The following SMARCA4 variants were observed in gnomAD, a reference collection of about 807,000 sequenced individuals.
The protein encoded by SMARCA4 is SWI/SNF-related matrix-associated actin-dependent regulator of chromatin subfamily A member 4.
Under a neutral mutation model 193.9 loss-of-function variants are expected in SMARCA4, and 31 were observed. That is an observed-to-expected ratio of 0.16 (90% CI 0.12 to 0.22). The LOEUF (loss-of-function observed/expected upper bound fraction) is 0.22, where lower values mean the gene tolerates loss of function less well. Ranked by LOEUF, SMARCA4 falls within the 10% of genes least tolerant of loss-of-function variation. SMARCA4 has a pLI of 1.00. For missense variants in SMARCA4, 1,148 were observed against 2,296.0 expected (o/e 0.50, Z 10.22); for synonymous variants, 942 against 933.1 (o/e 1.01, Z -0.17).
At chr19:11,014,345 G>A (rs1218794015) in intron 16 of SMARCA4, among the ~76,000 whole-genome samples, 1 of 152,212 alleles carries the variant, frequency 6.6e-6, no homozygotes, top group Non-Finnish European at 1.5e-5. Flanking sequence ...GGAAAGGTGA[G>A]GACCCCAGAA....
rs970142560 is a variant in SMARCA4, at chr19:11,023,413, C to T, written c.2860-105C>T. ...CCACGTGCCAAGGGCAAGATCACCC[C>T]AGGGGACCCCGTCCACCCTGTCCCC... is the stretch of plus-strand genomic sequence containing the variant. On this transcript the variant is annotated intron_variant, in intron 19 of 34. Transcript: ENST00000344626. The T allele has an allele frequency of 4.2e-5, 32 of 766,008 alleles. 1 individual carries two copies. The highest frequency in any genetic ancestry group is 4.6e-5 in the Non-Finnish European group (20 of 431,226). 47.5% of individuals were successfully genotyped at this position (766,008 alleles called of 1,614,324 possible).
At chr19:11,003,185 G>A (rs752940269) in intron 12 of SMARCA4, 26 bp downstream of exon 12, 1 of 1,613,964 alleles carries the variant, frequency 6.2e-7, no homozygotes, top group Admixed American at 1.7e-5. Context: ...CATTCCAGAT[G>A]CAGTGGGGAT....
rs2145767423 is a variant in SMARCA4, at chr19:10,986,124, G to A, written c.356-65G>A. On this transcript the variant is annotated intron_variant, in intron 3 of 34. Transcript: ENST00000344626. The surrounding 1 kb of genome is among the most constrained non-coding windows in gnomAD (Gnocchi z 6.7). ...CTCAGAGTAGGAGCTGGTGTAGGGG[G>A]AAGAGGCTGTAAAAATCACAGACAT... 1.5e-6 allele frequency: 2 copies of A among 1,341,830 alleles called. No homozygotes were observed. The highest frequency in any genetic ancestry group is 2.4e-5 in the South Asian group (2 of 84,998). 83.1% of individuals were successfully genotyped at this position (1,341,830 alleles called of 1,614,324 possible). A position where few individuals can be genotyped will look rare whatever the true frequency, so the allele number is the denominator to read the frequency against.
intron 22 of SMARCA4, 53 bp from the exon 23 acceptor site, chr19:11,026,247 G>T: frequency 1.4e-6 from 2 of 1,455,760 alleles, no homozygotes; most frequent in Admixed American, 1.7e-5. Flanking sequence ...ACCGCAGCGG[G>T]GCCCGGTGGC....
In SMARCA4 at chr19:11,002,787, G is replaced by A. The variant is rs529495337; in HGVS notation, c.1813-242G>A. Among the ~76,000 whole-genome samples, 555 of 137,542 alleles carry A rather than the reference G, an allele frequency of 4.0e-3. 3 individuals carry two copies. Among genetic ancestry groups the A allele is most frequent in the Non-Finnish European group, 7.0e-3 (455 of 65,372 alleles). The allele number at this position is 137,542 out of a possible 152,430, so 90.2% of individuals were successfully genotyped here. Reference sequence around the variant, plus strand: ...TGCACTCTAGCCTGGGTGACAGAGCGAGACTCCGTCTCAAAAAAAAAAAAA... The same window carrying A: ...TGCACTCTAGCCTGGGTGACAGAGCAAGACTCCGTCTCAAAAAAAAAAAAA... On this transcript the variant is annotated intron_variant, in intron 11 of 34. Coordinates refer to ENST00000344626, the MANE Select transcript of SMARCA4 (RefSeq NM_003072.5).
chr19:10,985,985 C>T lies in SMARCA4; in HGVS notation c.356-204C>T, dbSNP rs1599946960. Among the ~76,000 whole-genome samples the T allele has an allele frequency of 1.3e-5, 2 of 152,170 alleles. No individual in the cohort carries two copies. The highest frequency in any genetic ancestry group is 4.8e-5 in the African/African-American group (2 of 41,436). ...ATTAACCAGAAGCACCTTACTGAGA[C>T]GTGGGCCAAACCAAATCCACCAGGT... On this transcript the variant is annotated intron_variant, in intron 3 of 34. Transcript: ENST00000344626. This position sits in a 1 kb window ranked among gnomAD's most constrained non-coding sequence, Gnocchi z 4.5.
rs2145812143 is a variant in SMARCA4 at position 10,987,642 on chromosome 19, C to T, written c.860-24C>T. The T allele has an allele frequency of 6.2e-7, 1 of 1,612,834 alleles. No individual in the cohort carries two copies. The highest frequency in any genetic ancestry group is 8.5e-7 in the Non-Finnish European group (1 of 1,179,648). ...ATGGGCCCCAGAGCTCAACATGACG[C>T]CCTGGCCCCTTGCCTTCTCCCAGGA... On this transcript the variant is annotated intron_variant, in intron 5 of 34. Transcript: ENST00000344626. This position sits in a 1 kb window ranked among gnomAD's most constrained non-coding sequence, Gnocchi z 5.3.
intron 34 of SMARCA4, among the ~76,000 whole-genome samples, chr19:11,061,262 ACAGT>A (rs1477134876): frequency 2.8e-5 from 4 of 142,504 alleles, no homozygotes; most frequent in African/African-American, 1.0e-4. Context: ...AAGATCTTTC[ACAGT>A]CAGGAAGAAC....
intron 1 of SMARCA4, among the ~76,000 whole-genome samples, chr19:10,979,987 C>T (rs1054977239): frequency 1.3e-5 from 2 of 152,158 alleles, no homozygotes; most frequent in African/African-American, 4.8e-5. Context: ...CCCCTCAGTA[C>T]TGAGCTGAGG....
At chr19:10,996,066 G>A in intron 9 of SMARCA4, 147 bp from the exon 10 acceptor site, 1 of 816,796 alleles carries the variant, frequency 1.2e-6, no homozygotes, top group Non-Finnish European at 2.2e-6. Flanking sequence ...TCCTGAATGA[G>A]GAGTCGATTG....
In SMARCA4 at chr19:11,033,993, G is replaced by T; in HGVS notation, c.3873+128G>T. The T allele has an allele frequency of 1.3e-6, 1 of 774,316 alleles. No homozygotes were observed. 48.0% of individuals were successfully genotyped at this position (774,316 alleles called of 1,614,324 possible). On this transcript the variant is annotated intron_variant, in intron 27 of 34. Coordinates refer to ENST00000344626, the MANE Select transcript of SMARCA4 (RefSeq NM_003072.5). This position sits in a 1 kb window ranked among gnomAD's most constrained non-coding sequence, Gnocchi z 9.8. The stretch of plus-strand genomic sequence containing the variant: ...GTGTGTGTGCCTTTCGCTGCCGTGT[G>T]GGTCCCCATCCACCGCAGCCGTGCC...
At chr19:11,048,384 A>G (rs1309133464) in intron 30 of SMARCA4, among the ~76,000 whole-genome samples, 2 of 152,176 alleles carry the variant, frequency 1.3e-5, no homozygotes, top group African/African-American at 4.8e-5. Flanking sequence ...GGTGCACACC[A>G]CCATCATGCC....
rs59045197 is a variant in SMARCA4, at chr19:11,026,459, T to C, written c.3215+113T>C. ...TTGTCCAATTTCAAAGGCAGAAAAT[T>C]AGAAAATACAGAAGAATCCAAAGCA... On this transcript the variant is annotated intron_variant, in intron 23 of 34. Transcript: ENST00000344626. 0.061 allele frequency: 48,571 copies of C among 793,108 alleles called. 2,066 individuals are homozygous for C. The highest frequency in any genetic ancestry group is 0.12 in the South Asian group (8,666 of 70,266). The allele number at this position is 793,108 out of a possible 1,614,324, so 49.1% of individuals were successfully genotyped here.
intron 34 of SMARCA4, among the ~76,000 whole-genome samples, chr19:11,061,436 C>T (rs1190486636): frequency 2.0e-5 from 3 of 151,858 alleles, no homozygotes; most frequent in Non-Finnish European, 2.9e-5. Flanking sequence ...ATGGCCATGG[C>T]GCCATCTCGG....
chr19:10,969,242 G>A (rs929672301), intron 1 of SMARCA4, among the ~76,000 whole-genome samples: 23 of 152,226 alleles, frequency 1.5e-4, no homozygotes, highest in African/African-American at 5.5e-4. Context: ...TCGAGGAAGG[G>A]GGGCCTTGTT....
At chr19:11,049,217 G>A (rs2146950951) in intron 30 of SMARCA4, among the ~76,000 whole-genome samples, 1 of 152,338 alleles carries the variant, frequency 6.6e-6, no homozygotes, top group East Asian at 1.9e-4. Context: ...AGGGGCTTGA[G>A]TGGGGCTGCG....
At position 10,986,827 on chromosome 19, in the gene SMARCA4, C is replaced by A; in HGVS notation, c.761-78C>A. 2 of 1,344,914 alleles carry A rather than the reference C, an allele frequency of 1.5e-6. No individual in the cohort carries two copies. The highest frequency in any genetic ancestry group is 2.1e-6 in the Non-Finnish European group (2 of 939,340). The allele number at this position is 1,344,914 out of a possible 1,614,324, so 83.3% of individuals were successfully genotyped here. On this transcript the variant is annotated intron_variant, in intron 4 of 34. Transcript: ENST00000344626. This position sits in a 1 kb window ranked among gnomAD's most constrained non-coding sequence, Gnocchi z 6.7. ...GGTGTATCTGCTGTGTCCCCTGGAG[C>A]CAGGGCTGCCCACGGGGCTGGGCGC...
intron 18 of SMARCA4, chr19:11,021,355 C>A (rs1230779240): frequency 2.7e-6 from 1 of 374,694 alleles, no homozygotes; most frequent in East Asian, 6.5e-5. Context: ...CCCTCCACAC[C>A]AGCAGGACAA....
At chr19:11,010,764 C>T (rs180791709) in intron 15 of SMARCA4, among the ~76,000 whole-genome samples, 4 of 152,176 alleles carry the variant, frequency 2.6e-5, no homozygotes, top group Non-Finnish European at 4.4e-5. Context: ...ACTGGGTGCC[C>T]GATGTGCCAG....
Sources: gnomAD v4.1 joint callset for allele counts (sites outside exome capture counted in the v4.1 genomes callset) on GRCh38, gnomAD v4.1.1 for gene constraint, Gnocchi (gnomAD v3.1) non-coding constraint, MANE v1.5 for transcripts, NCBI Gene and HGNC (gene_info 2026-07-23, HGNC 2026-07-21) for gene names.